Variants in GPC6 observed in about 807,000 individuals in gnomAD.
The protein encoded by GPC6 is glypican 6.
In GPC6, 14 loss-of-function variants were observed where a neutral mutation model predicts 55.2. That is an observed-to-expected ratio of 0.25 (90% confidence interval 0.17 to 0.40). GPC6 has a LOEUF of 0.40. GPC6 is among the 10% of genes least tolerant of loss of function. GPC6 has a pLI of 1.00. For missense variants in GPC6, 641 were observed against 708.5 expected, an observed-to-expected ratio of 0.90 and a Z score of 1.08; for synonymous variants, 278 against 259.6, an observed-to-expected ratio of 1.07 and a Z score of -0.68.
chr13:93,970,844 A>C (rs1880253733), intron 3 of GPC6, among the ~76,000 whole-genome samples: 1 of 152,318 alleles, frequency 6.6e-6, no homozygotes, highest in South Asian at 2.1e-4. Flanking sequence ...CAGAAGCTTA[A>C]GTTTTTATAG....
chr13:93,582,821 G>T (rs576821860), intron 2 of GPC6, among the ~76,000 whole-genome samples: 6 of 152,290 alleles, frequency 3.9e-5, no homozygotes, highest in East Asian at 1.9e-4. Flanking sequence ...TAGGAAAAGC[G>T]AAGTGAAACC....
At chr13:93,361,438 C>T (rs751922645) in intron 1 of GPC6, among the ~76,000 whole-genome samples, 1 of 152,070 alleles carries the variant, frequency 6.6e-6, no homozygotes, top group East Asian at 1.9e-4. Context: ...TATCCTGGGG[C>T]ATAAAAACTT....
chr13:93,602,622 C>T (rs1416336982), intron 2 of GPC6, among the ~76,000 whole-genome samples: 1 of 152,144 alleles, frequency 6.6e-6, no homozygotes, highest in Non-Finnish European at 1.5e-5. Flanking sequence ...GAGAATACAT[C>T]ACCTTCTCTA....
Position 94,405,013 on chromosome 13 carries a change from G to C in GPC6, c.*1796G>C, listed in dbSNP as rs1881309851. 6.6e-6 allele frequency: 1 copy of C among 152,160 alleles called. No individual in the cohort carries two copies. The highest frequency in any genetic ancestry group is 1.5e-5 in the Non-Finnish European group (1 of 68,024). The allele number at this position is 152,160 out of a possible 1,614,324, so 9.4% of individuals were successfully genotyped here. On this transcript the variant is annotated 3_prime_UTR_variant, in exon 9 of 9. Coordinates refer to ENST00000377047, the MANE Select transcript of GPC6 (RefSeq NM_005708.5). ...TTACATTTTAATTAACTCATCGACA[G>C]TATTGACACGTAAATGGTATTTTTC...
chr13:94,391,748 C>T (rs1178412832), intron 7 of GPC6, among the ~76,000 whole-genome samples: 1 of 152,148 alleles, frequency 6.6e-6, no homozygotes, highest in African/African-American at 2.4e-5. Flanking sequence ...ATCCACAGAA[C>T]TTTTTTATCT....
intron 1 of GPC6, among the ~76,000 whole-genome samples, chr13:93,266,325 G>A (rs992373632): frequency 2.0e-5 from 3 of 151,940 alleles, no homozygotes; most frequent in Non-Finnish European, 2.9e-5. Flanking sequence ...CATTATAGAC[G>A]CACTAACAGC....
chr13:93,792,811 A>G (rs1396267677), intron 2 of GPC6, among the ~76,000 whole-genome samples: 1 of 152,180 alleles, frequency 6.6e-6, no homozygotes, highest in Non-Finnish European at 1.5e-5. Flanking sequence ...GGGTGTATGG[A>G]TCAGTAGAGG....
intron 8 of GPC6, among the ~76,000 whole-genome samples, chr13:94,400,479 T>C (rs187304021): frequency 3.9e-4 from 60 of 152,300 alleles, no homozygotes; most frequent in African/African-American, 1.4e-3. Flanking sequence ...ATCTCTGAAT[T>C]TAATTAACAG....
intron 2 of GPC6, among the ~76,000 whole-genome samples, chr13:93,570,786 C>A (rs953869013): frequency 6.6e-6 from 1 of 152,002 alleles, no homozygotes; most frequent in Non-Finnish European, 1.5e-5. Flanking sequence ...TGTTTTAAAG[C>A]AGTAGTTTTC....
intron 4 of GPC6, among the ~76,000 whole-genome samples, chr13:94,247,315 T>G (rs1276143198): frequency 1.3e-5 from 2 of 152,126 alleles, no homozygotes; most frequent in East Asian, 3.9e-4. Context: ...TACTTATTCC[T>G]TCCTGATTTA....
chr13:93,759,813 G>A (rs1884899628), intron 2 of GPC6, among the ~76,000 whole-genome samples: 1 of 151,942 alleles, frequency 6.6e-6, no homozygotes, highest in Non-Finnish European at 1.5e-5. Flanking sequence ...CAGAAAGGTA[G>A]GCTGTTCTTG....
intron 1 of GPC6, among the ~76,000 whole-genome samples, chr13:93,333,970 T>C (rs1437191142): frequency 6.6e-6 from 1 of 152,242 alleles, no homozygotes; most frequent in Non-Finnish European, 1.5e-5. Flanking sequence ...AGTGTGTTTC[T>C]TTTCTAATAC....
chr13:93,489,440 T>A (rs201339122), intron 1 of GPC6, among the ~76,000 whole-genome samples: 1 of 151,418 alleles, frequency 6.6e-6, no homozygotes, highest in African/African-American at 2.4e-5. Context: ...CTTAGGATTG[T>A]CTTGGCAATG....
chr13:93,218,375 CTT>C, the GPC6 span, among the ~76,000 whole-genome samples: 4 of 152,088 alleles, frequency 2.6e-5, no homozygotes, highest in Non-Finnish European at 5.9e-5. Flanking sequence ...GGATGTCAGC[CTT>C]ACATGTTTGA....
At chr13:93,841,908 C>A (rs1255829948) in intron 3 of GPC6, among the ~76,000 whole-genome samples, 1 of 152,122 alleles carries the variant, frequency 6.6e-6, no homozygotes, top group African/African-American at 2.4e-5. Flanking sequence ...AGTACATTCA[C>A]TGAATATTTT....
chr13:93,549,209 C>T, intron 2 of GPC6, among the ~76,000 whole-genome samples: 1 of 152,192 alleles, frequency 6.6e-6, no homozygotes, highest in East Asian at 1.9e-4. Context: ...TTCCTTCTCA[C>T]CTTCCTCTCC....
intron 2 of GPC6, among the ~76,000 whole-genome samples, chr13:93,751,184 A>G (rs930017248): frequency 6.6e-6 from 1 of 151,066 alleles, no homozygotes; most frequent in Admixed American, 6.6e-5. Context: ...CAAACAAACA[A>G]ACAAAAAATG....
intron 1 of GPC6, among the ~76,000 whole-genome samples, chr13:93,355,808 G>A (rs767214): frequency 0.059 from 8,995 of 152,102 alleles, 370 homozygotes; most frequent in East Asian, 0.12. Context: ...GGTGCTGCAC[G>A]TTATGGGGGA....
intron 4 of GPC6, among the ~76,000 whole-genome samples, chr13:94,179,369 G>A (rs905650446): frequency 6.6e-6 from 1 of 152,088 alleles, no homozygotes; most frequent in African/African-American, 2.4e-5. Context: ...ATCTAAAAGG[G>A]CATGAGCTTA....
Sources: gnomAD v4.1 joint callset for allele counts (sites outside exome capture counted in the v4.1 genomes callset) on GRCh38, gnomAD v4.1.1 for gene constraint, MANE v1.5 for transcripts, NCBI Gene and HGNC (gene_info 2026-07-23, HGNC 2026-07-21) for gene names.